Variants in EFEMP1 observed in about 807,000 individuals in gnomAD.
The protein encoded by EFEMP1 is EGF-like fibulin extracellular matrix protein 1, also known as EGF-containing fibulin-like extracellular matrix protein 1.
A neutral mutation model predicts 65.7 loss-of-function variants in EFEMP1; 18 were observed. The ratio of observed to expected loss-of-function variants is 0.27; its 90% CI spans 0.19 to 0.41. The LOEUF (loss-of-function observed/expected upper bound fraction) is 0.41, where lower values mean the gene tolerates loss of function less well. Ranked by LOEUF, EFEMP1 falls within the 10% of genes least tolerant of loss-of-function variation. EFEMP1 has a pLI of 1.00. For missense variants in EFEMP1, 469 were observed against 624.8 expected (o/e 0.75, Z 2.66); for synonymous variants, 237 against 219.7 (o/e 1.08, Z -0.70).
In EFEMP1 at chr2:55,885,472, G is replaced by A. The variant is rs1395644738; in HGVS notation, c.518-3738C>T. Among the ~76,000 whole-genome samples the A allele has an allele frequency of 6.6e-6, 1 of 152,194 alleles. No individual in the cohort carries two copies. Among genetic ancestry groups the A allele is most frequent in the African/African-American group, 2.4e-5 (1 of 41,454 alleles). ...AGTCTCTCTGAACTATGTAGACAGA[G>A]CCTAATGTTAACATTACCAAAGAAC... On this transcript the variant is annotated intron_variant, in intron 5 of 11. Transcript: ENST00000355426. This position sits in a 1 kb window ranked among gnomAD's most constrained non-coding sequence, Gnocchi z 4.3.
At position 55,923,695 on chromosome 2, in the gene EFEMP1, C is replaced by G. The variant is rs377455437; in HGVS notation, c.-49+16G>C. ...ACTGGGCTCGCTCGGGGCGACCCCC[C>G]GTTGGGGGCTCCTACCTGTGCGGCC... is the stretch of plus-strand genomic sequence containing the variant. On this transcript the variant is annotated intron_variant, in intron 1 of 11. Coordinates refer to ENST00000355426, the MANE Select transcript of EFEMP1 (RefSeq NM_001039348.3). The surrounding 1 kb of genome is among the most constrained non-coding windows in gnomAD (Gnocchi z 5.3). The G allele has an allele frequency of 1.9e-5, 19 of 985,738 alleles. No individual in the cohort carries two copies. Among genetic ancestry groups the G allele is most frequent in the Non-Finnish European group, 2.3e-5 (19 of 830,280 alleles). 61.1% of individuals were successfully genotyped at this position (985,738 alleles called of 1,614,324 possible).
Position 55,877,813 on chromosome 2 carries a change from T to C in EFEMP1, c.693A>G (p.Thr231=), listed in dbSNP as rs779048381. The C allele has an allele frequency of 1.9e-6, 3 of 1,613,220 alleles. No individual in the cohort carries two copies. Among genetic ancestry groups the C allele is most frequent in the African/African-American group, 2.7e-5 (2 of 74,878 alleles). The change falls in exon 7 of 12, where the codon ACA becomes ACG. Residue 231 remains threonine (T), a synonymous_variant. Transcript: ENST00000355426. The surrounding 1 kb of genome is among the most constrained non-coding windows in gnomAD (Gnocchi z 4.5). The part of the protein sequence containing the change: ...PPYCHQRCVN[T]PGSFYCQCSP... ...TGCACTGGCAATAAAATGAGCCTGG[T>C]GTATTCACGCATCTTTGGTGGCAAT... is the stretch of plus-strand genomic sequence containing the variant.
rs1003726741 is a variant in EFEMP1, at chr2:55,917,381, C to T, written c.517+284G>A. Among the ~76,000 whole-genome samples the T allele has an allele frequency of 2.4e-4, 37 of 152,094 alleles. No homozygotes were observed. Among genetic ancestry groups the T allele is most frequent in the African/African-American group, 8.7e-4 (36 of 41,414 alleles). ...ATTTAACTGGGCTGGGGTGTAGCTTCGCCATCGAGAAGTTTTAAAGGTTCC... is the reference window on the plus strand; with the variant it reads ...ATTTAACTGGGCTGGGGTGTAGCTTTGCCATCGAGAAGTTTTAAAGGTTCC... On this transcript the variant is annotated intron_variant, in intron 5 of 11. Coordinates refer to ENST00000355426, the MANE Select transcript of EFEMP1 (RefSeq NM_001039348.3). The surrounding 1 kb of genome is among the most constrained non-coding windows in gnomAD (Gnocchi z 6.3).
At chr2:55,892,113 C>T (rs1669647633) in intron 5 of EFEMP1, among the ~76,000 whole-genome samples, 2 of 152,084 alleles carry the variant, frequency 1.3e-5, no homozygotes, top group African/African-American at 4.8e-5. Flanking sequence ...TTCAAAAAAA[C>T]TTCTGACCCT....
At position 55,870,277 on chromosome 2, in the gene EFEMP1, G is replaced by C. The variant is rs976549245; in HGVS notation, c.1320+443C>G. On this transcript the variant is annotated intron_variant, in intron 11 of 11. Transcript: ENST00000355426. This position sits in a 1 kb window ranked among gnomAD's most constrained non-coding sequence, Gnocchi z 5.8. Reference sequence around the variant, plus strand: ...CTGAAAAACTCTTTAGGAGCTCCAGGAATTATTTTGGGTTTGAATTATATG... The same window carrying C: ...CTGAAAAACTCTTTAGGAGCTCCAGCAATTATTTTGGGTTTGAATTATATG... Among the ~76,000 whole-genome samples the C allele has an allele frequency of 6.7e-6, 1 of 148,362 alleles. No homozygotes were observed. Among genetic ancestry groups the C allele is most frequent in the Non-Finnish European group, 1.5e-5 (1 of 67,504 alleles).
At chr2:55,891,003 AG>A (rs893243557) in intron 5 of EFEMP1, among the ~76,000 whole-genome samples, 103 of 152,156 alleles carry the variant, frequency 6.8e-4, no homozygotes, top group African/African-American at 2.5e-3. Context: ...TTTGTTATAT[AG>A]GTAAATTTGT....
In EFEMP1 at chr2:55,871,058, C is replaced by T. The variant is rs1055074015; in HGVS notation, c.1066G>A (p.Gly356Ser). The T allele has an allele frequency of 1.2e-6, 2 of 1,613,542 alleles. No homozygotes were observed. Among genetic ancestry groups the T allele is most frequent in the East Asian group, 2.2e-5 (1 of 44,880 alleles). Residue 356 changes from glycine (G) to serine (S), a missense_variant, in exon 10 of 12, where the codon GGC becomes AGC. By Grantham distance (56) the Gly-to-Ser change is moderately conservative (BLOSUM62 0). Around this residue, in one of 3 missense-constraint regions of EFEMP1, gnomAD observed 399 missense variants for 528.2 expected, o/e 0.76. Coordinates refer to ENST00000355426, the MANE Select transcript of EFEMP1 (RefSeq NM_001039348.3). This position sits in a 1 kb window ranked among gnomAD's most constrained non-coding sequence, Gnocchi z 4.2. ...GGATTTCGTGGATAACAACGGAAGC[C>T]GCCATGATAATTCCAACACATTTCA... The part of the protein sequence containing the change: ...EDEMCWNYHG[G>S]FRCYPRNPCQ...
At chr2:55,875,552 T>C (rs1460281776) in intron 8 of EFEMP1, among the ~76,000 whole-genome samples, 2 of 152,146 alleles carry the variant, frequency 1.3e-5, no homozygotes, top group Non-Finnish European at 2.9e-5. Flanking sequence ...AAGTTTTTCT[T>C]ATCATGACTT....
rs888223147 is a variant in EFEMP1, at chr2:55,871,627, T to A, written c.1001-504A>T. On this transcript the variant is annotated intron_variant, in intron 9 of 11. Transcript: ENST00000355426. The surrounding 1 kb of genome is among the most constrained non-coding windows in gnomAD (Gnocchi z 4.2). ...CTTGAAGGGTGGTGGTTAGATGGAG[T>A]TTTCATGGCTGGGGCAGGGAAGGCT... Among the ~76,000 whole-genome samples the A allele has an allele frequency of 6.6e-6, 1 of 151,364 alleles. No homozygotes were observed. The highest frequency in any genetic ancestry group is 2.4e-5 in the African/African-American group (1 of 41,160).
intron 5 of EFEMP1, among the ~76,000 whole-genome samples, chr2:55,891,715 G>A (rs951555632): frequency 3.9e-5 from 6 of 151,988 alleles, no homozygotes; most frequent in Non-Finnish European, 7.4e-5. Context: ...AAACAGTTAC[G>A]AAATTTTAGA....
chr2:55,881,118 G>A (rs577804896), intron 6 of EFEMP1, among the ~76,000 whole-genome samples: 2 of 152,330 alleles, frequency 1.3e-5, no homozygotes, highest in South Asian at 4.1e-4. Flanking sequence ...AGCTCTGGAG[G>A]TAGGGCCTAG....
At chr2:55,879,082 C>T (rs1438331453) in intron 6 of EFEMP1, among the ~76,000 whole-genome samples, 1 of 152,124 alleles carries the variant, frequency 6.6e-6, no homozygotes, top group East Asian at 1.9e-4. Flanking sequence ...ATTCCCTTAC[C>T]TTGCTTTAGA....
chr2:55,922,822 T>A lies in EFEMP1; in HGVS notation c.-8+77A>T. 9.2e-7 allele frequency: 1 copy of A among 1,082,286 alleles called. No homozygotes were observed. Among genetic ancestry groups the A allele is most frequent in the Non-Finnish European group, 1.2e-6 (1 of 852,234 alleles). The allele number at this position is 1,082,286 out of a possible 1,614,324, so 67.0% of individuals were successfully genotyped here. A position where few individuals can be genotyped will look rare whatever the true frequency, so the allele number is the denominator to read the frequency against. On this transcript the variant is annotated intron_variant, in intron 2 of 11. Coordinates refer to ENST00000355426, the MANE Select transcript of EFEMP1 (RefSeq NM_001039348.3). The surrounding 1 kb of genome is among the most constrained non-coding windows in gnomAD (Gnocchi z 5.5). ...GGACGGTGCATTTCCTGCCCCCCAG[T>A]CCCACACCCCGGGGGATGGAGGTGG...
Position 55,881,694 on chromosome 2 carries a change from T to G in EFEMP1, c.558A>C (p.Ala186=). ...CCCGTAAATTGATGCACACTTGGTC[T>G]GCTCTACAGTTGTGCGTCCCTGCAG... ...ECTAGTHNCR[A]DQVCINLRGS... is the part of the protein sequence containing the mutation. The change falls in exon 6 of 12, where the codon GCA becomes GCC. Residue 186 remains alanine, a synonymous_variant. Transcript: ENST00000355426. 1 of 1,614,018 alleles carries G rather than the reference T, an allele frequency of 6.2e-7. No individual in the cohort carries two copies. The highest frequency in any genetic ancestry group is 1.1e-5 in the South Asian group (1 of 91,088).
At chr2:55,892,179 A>G (rs1669650427) in intron 5 of EFEMP1, among the ~76,000 whole-genome samples, 1 of 152,136 alleles carries the variant, frequency 6.6e-6, no homozygotes, top group South Asian at 2.1e-4. Context: ...TAGTCTTTGG[A>G]CTTTAAAATG....
chr2:55,911,089 T>C (rs1251028783), intron 5 of EFEMP1, among the ~76,000 whole-genome samples: 1 of 152,180 alleles, frequency 6.6e-6, no homozygotes, highest in African/African-American at 2.4e-5. Flanking sequence ...AGTTATATGA[T>C]TGCATATTTG....
chr2:55,871,044 A>G lies in EFEMP1; in HGVS notation c.1080T>C (p.Tyr360=), dbSNP rs1295308185. 2 of 1,613,760 alleles carry G rather than the reference A, an allele frequency of 1.2e-6. No homozygotes were observed. Among genetic ancestry groups the G allele is most frequent in the South Asian group, 2.2e-5 (2 of 91,080 alleles). Residue 360 remains tyrosine (Y), a synonymous_variant, in exon 10 of 12, where the codon TAT becomes TAC. Coordinates refer to ENST00000355426, the MANE Select transcript of EFEMP1 (RefSeq NM_001039348.3). The surrounding 1 kb of genome is among the most constrained non-coding windows in gnomAD (Gnocchi z 4.2). ...AGGGATCTTGACAAGGATTTCGTGG[A>G]TAACAACGGAAGCCGCCATGATAAT... ...CWNYHGGFRC[Y]PRNPCQDPYI... is the part of the protein sequence containing the mutation.
chr2:55,889,759 CT>C (rs1558471108), intron 5 of EFEMP1, among the ~76,000 whole-genome samples: 2 of 150,296 alleles, frequency 1.3e-5, no homozygotes, highest in Non-Finnish European at 3.0e-5. Context: ...ACTAATTGAT[CT>C]TAAATTTTGA....
intron 5 of EFEMP1, among the ~76,000 whole-genome samples, chr2:55,915,710 T>C (rs1558488385): frequency 6.6e-6 from 1 of 152,170 alleles, no homozygotes; most frequent in Non-Finnish European, 1.5e-5. Context: ...TACTTAAGAA[T>C]TTTTCAGCAA....
Sources: allele counts gnomAD v4.1 joint callset (sites outside exome capture counted in the v4.1 genomes callset), GRCh38; gene constraint gnomAD v4.1.1; regional missense constraint gnomAD v4.1.1; non-coding constraint Gnocchi (gnomAD v3.1); transcripts MANE v1.5; gene names NCBI Gene and HGNC (gene_info 2026-07-23, HGNC 2026-07-21).